Variants in HMGXB3 observed in about 807,000 individuals in gnomAD.
The protein encoded by HMGXB3 is HMG-box containing 3.
Under a neutral mutation model 121.5 loss-of-function variants are expected in HMGXB3, and 45 were observed. That is an observed-to-expected ratio of 0.37 (90% CI 0.29 to 0.47). The LOEUF (loss-of-function observed/expected upper bound fraction) is 0.47. Among genes scored for constraint, HMGXB3 ranks in the 20% least tolerant of loss-of-function variants. The pLI, the probability that HMGXB3 is intolerant of heterozygous loss-of-function variation, is 0.99. For missense variants in HMGXB3, 1,376 were observed against 1,602.2 expected, an observed-to-expected ratio of 0.86 and a Z score of 2.41; for synonymous variants, 590 against 624.1, an observed-to-expected ratio of 0.95 and a Z score of 0.81.
chr5:150,042,012 T>C, intron 15 of HMGXB3, 43 bp downstream of exon 15: 1 of 1,501,598 alleles, frequency 6.7e-7, no homozygotes, highest in Non-Finnish European at 9.0e-7. Context: ...CGGAATTTTC[T>C]CATTTTGGCA....
intron 16 of HMGXB3, among the ~76,000 whole-genome samples, chr5:150,047,073 T>A (rs1193416038): frequency 6.6e-6 from 1 of 151,890 alleles, no homozygotes; most frequent in Non-Finnish European, 1.5e-5. Context: ...TTTGTATTTT[T>A]AGAAGAGATG....
intron 7 of HMGXB3, among the ~76,000 whole-genome samples, chr5:150,025,480 T>A (rs1486348727): frequency 2.0e-5 from 3 of 148,956 alleles, no homozygotes; most frequent in Admixed American, 6.8e-5. Context: ...TATGTATGTG[T>A]GTGTGTGTAT....
rs1275325509 is a variant in HMGXB3 at position 150,050,504 on chromosome 5, C to T, written c.3411+43C>T. 4.9e-6 allele frequency: 7 copies of T among 1,432,116 alleles called. No individual in the cohort carries two copies. In the East Asian group the frequency reaches 1.7e-4, roughly 36 times the overall value. The allele number at this position is 1,432,116 out of a possible 1,614,324, so 88.7% of individuals were successfully genotyped here. On this transcript the variant is annotated intron_variant, in intron 19 of 19. Transcript: ENST00000502717. ...GAACTGCCATGTCTCCTCAAGCCTA[C>T]CATGTCTTGCTCTGTCACCCAGGCT...
At chr5:150,012,054 A>G (rs1005359210) in intron 4 of HMGXB3, among the ~76,000 whole-genome samples, 1 of 152,240 alleles carries the variant, frequency 6.6e-6, no homozygotes, top group African/African-American at 2.4e-5. Context: ...TAAAATAAAC[A>G]TAGCACACTT....
At chr5:150,029,734 T>A (rs965396422) in intron 9 of HMGXB3, among the ~76,000 whole-genome samples, 1 of 152,206 alleles carries the variant, frequency 6.6e-6, no homozygotes, top group African/African-American at 2.4e-5. Flanking sequence ...ATCTCCCCTG[T>A]CATGTGTTCT....
intron 1 of HMGXB3, among the ~76,000 whole-genome samples, chr5:150,001,836 T>A (rs1755577976): frequency 6.6e-6 from 1 of 152,126 alleles, no homozygotes; most frequent in African/African-American, 2.4e-5. Context: ...TTGCGCAGGG[T>A]GCTTAGTACC....
At chr5:150,040,998 A>G (rs1443527052) in intron 14 of HMGXB3, 119 bp downstream of exon 14, 2 of 970,334 alleles carry the variant, frequency 2.1e-6, no homozygotes, top group Non-Finnish European at 2.9e-6. Flanking sequence ...TGAAAAGGAG[A>G]CATTCTTGAC....
chr5:150,005,426 CCCGT>C (rs748118713), intron 2 of HMGXB3, among the ~76,000 whole-genome samples: 3 of 151,770 alleles, frequency 2.0e-5, no homozygotes, highest in Non-Finnish European at 2.9e-5. Flanking sequence ...GTGGAGAAAC[CCCGT>C]CTCTACTAAA....
rs989396355 is a variant in HMGXB3 at position 150,012,306 on chromosome 5, C to T, written c.862C>T (p.Pro288Ser). The change falls in exon 5 of 20, where the codon CCT becomes TCT. Residue 288 changes from proline to serine, a missense_variant. Pro to Ser is a moderately conservative substitution (Grantham distance 74, BLOSUM62 -1). This residue lies in a region of HMGXB3 where 1,116 missense variants were observed against 1,369.0 expected (regional missense o/e 0.82). Transcript: ENST00000502717. ...SAPATQFIMLPLPAYSVVENP... is the reference protein window; with the variant it reads ...SAPATQFIMLSLPAYSVVENP... Reference sequence around the variant, plus strand: ...ACCAGCCACACAGTTCATCATGTTGCCTCTGCCTGCCTACTCGGTTGTGGA... The same window carrying T: ...ACCAGCCACACAGTTCATCATGTTGTCTCTGCCTGCCTACTCGGTTGTGGA... The T allele has an allele frequency of 9.7e-6, 15 of 1,552,220 alleles. No individual in the cohort carries two copies. The highest frequency in any genetic ancestry group is 5.5e-5 in the African/African-American group (4 of 73,044).
rs765814678 is a variant in HMGXB3 at position 150,037,421 on chromosome 5, G to A, written c.2307G>A (p.Glu769=). ...CTAGCTCCCTGGCTGGGCCCCAGGA[G>A]TGCTGGCTGCTGACAGCCAGCCGTC... ...GGQNSLAGPQ[E]CWLLTASRLQ... is the part of the protein sequence containing the mutation. The change falls in exon 13 of 20, where the codon GAG becomes GAA. Residue 769 remains glutamate (E), a synonymous_variant. Coordinates refer to ENST00000502717, the MANE Select transcript of HMGXB3 (RefSeq NM_014983.3). 2.6e-6 allele frequency: 4 copies of A among 1,550,322 alleles called. No homozygotes were observed. The South Asian group carries it at 3.6e-5, about 14-fold the overall frequency.
rs751343266 is a variant in HMGXB3, at chr5:150,051,947, C to G, written c.3634C>G (p.Pro1212Ala). The change falls in exon 20 of 20, where the codon CCA (proline) becomes GCA (alanine). Residue 1212 changes from proline (P) to alanine (A), a missense_variant. Around this residue, in one of 2 missense-constraint regions of HMGXB3, gnomAD observed 260 missense variants for 233.2 expected, o/e 1.11. Transcript: ENST00000502717. The stretch of plus-strand genomic sequence containing the variant: ...CCTGGCCTCCATCGTGGACAGCAAA[C>G]CAAACGGTGTCCGCCAGCGGCCCAT... Reference protein sequence around the residue: ...TILASIVDSKPNGVRQRPIAF... With the variant: ...TILASIVDSKANGVRQRPIAF... 1.9e-6 allele frequency: 3 copies of G among 1,552,340 alleles called. No homozygotes were observed. The highest frequency in any genetic ancestry group is 4.9e-5 in the East Asian group (2 of 40,920).
In HMGXB3 at chr5:150,047,761, A is replaced by T; in HGVS notation, c.3084+4A>T. The T allele has an allele frequency of 1.9e-6, 3 of 1,551,744 alleles. No individual in the cohort carries two copies. Among genetic ancestry groups the T allele is most frequent in the Admixed American group, 2.0e-5 (1 of 51,012 alleles). ...CTTTGGGGCAGAAGACTCCAAGGTG[A>T]GTGTCAAGGGCAGTGGTGGATATCG... On this transcript the variant is annotated splice_donor_region_variant and intron_variant, in intron 17 of 19. Coordinates refer to ENST00000502717, the MANE Select transcript of HMGXB3 (RefSeq NM_014983.3).
At position 150,045,488 on chromosome 5, in the gene HMGXB3, G is replaced by C. The variant is rs1262160740; in HGVS notation, c.2753G>C (p.Gly918Ala). The C allele has an allele frequency of 9.0e-6, 14 of 1,552,154 alleles. No individual in the cohort carries two copies. Among genetic ancestry groups the C allele is most frequent in the Non-Finnish European group, 1.1e-5 (13 of 1,147,120 alleles). Reference sequence around the variant, plus strand: ...TAGTTCACCTGGCCTGAATTCCTGGGCTCTAATGAGGTAAATGTGGAGGAC... The same window carrying C: ...TAGTTCACCTGGCCTGAATTCCTGGCCTCTAATGAGGTAAATGTGGAGGAC... ...SVEFTWPEFL[G>A]SNEVNVEDFW... is the part of the protein sequence containing the mutation. The change falls in exon 16 of 20, where the codon GGC (glycine) becomes GCC (alanine). Residue 918 changes from glycine to alanine, a missense_variant. Physicochemically the swap from Gly to Ala is moderately conservative, Grantham distance 60. Transcript: ENST00000502717.
intron 13 of HMGXB3, among the ~76,000 whole-genome samples, chr5:150,038,868 C>T (rs151229388): frequency 2.8e-4 from 43 of 152,184 alleles, no homozygotes; most frequent in African/African-American, 9.4e-4. Context: ...GGTTTGCTAC[C>T]GGTGTTTGGC....
In HMGXB3 at chr5:150,052,416, C is replaced by G. The variant is rs1373484266; in HGVS notation, c.*224C>G. 1 of 547,018 alleles carries G rather than the reference C, an allele frequency of 1.8e-6. No individual in the cohort carries two copies. Among genetic ancestry groups the G allele is most frequent in the Non-Finnish European group, 3.3e-6 (1 of 305,930 alleles). The allele number at this position is 547,018 out of a possible 1,614,324, so 33.9% of individuals were successfully genotyped here. On this transcript the variant is annotated 3_prime_UTR_variant, in exon 20 of 20. Coordinates refer to ENST00000502717, the MANE Select transcript of HMGXB3 (RefSeq NM_014983.3). ...GTGGTACCAGGAAACCTCTTCTGGCCCCGAGAGAGCACTTGGGGGACACGG... is the reference window on the plus strand; with the variant it reads ...GTGGTACCAGGAAACCTCTTCTGGCGCCGAGAGAGCACTTGGGGGACACGG...
At chr5:150,019,041 CT>C (rs1159238902) in intron 6 of HMGXB3, among the ~76,000 whole-genome samples, 1 of 151,468 alleles carries the variant, frequency 6.6e-6, no homozygotes, top group Admixed American at 6.6e-5. Context: ...TTGCTCTGGC[CT>C]CAAACAGTCT....
intron 6 of HMGXB3, among the ~76,000 whole-genome samples, chr5:150,020,596 C>T (rs1561861382): frequency 6.7e-6 from 1 of 148,714 alleles, no homozygotes; most frequent in African/African-American, 2.5e-5. Context: ...TTTGAAATAA[C>T]TTTTTTTTTT....
chr5:150,024,570 T>C lies in HMGXB3; in HGVS notation c.1350T>C (p.Pro450=), dbSNP rs372239295. The stretch of plus-strand genomic sequence containing the variant: ...CAGTCGTCAAAAGTGGTGTGCAGCC[T>C]GAGGTCACTCTGGGGACAACTGACA... The part of the protein sequence containing the change: ...KTPVVKSGVQ[P]EVTLGTTDND... Residue 450 remains proline, a synonymous_variant, in exon 7 of 20, where the codon CCT becomes CCC. Transcript: ENST00000502717. 353 of 1,551,740 alleles carry C rather than the reference T, an allele frequency of 2.3e-4. No individual in the cohort carries two copies. Among genetic ancestry groups the C allele is most frequent in the Admixed American group, 2.9e-4 (15 of 51,002 alleles).
intron 10 of HMGXB3, among the ~76,000 whole-genome samples, chr5:150,031,448 C>T (rs367883506): frequency 6.6e-6 from 1 of 152,250 alleles, no homozygotes; most frequent in Non-Finnish European, 1.5e-5. Context: ...AAAAGGAGTT[C>T]TGGCTCTGCT....
Sources: gnomAD v4.1 joint callset for allele counts (sites outside exome capture counted in the v4.1 genomes callset) on GRCh38, gnomAD v4.1.1 for gene constraint, gnomAD v4.1.1 regional missense constraint, MANE v1.5 for transcripts, NCBI Gene and HGNC (gene_info 2026-07-23, HGNC 2026-07-21) for gene names.